TRPM3: variants seen among roughly 807,000 people sequenced by gnomAD.
TRPM3 encodes long transient receptor potential channel 3.
TRPM3 carries 77 observed loss-of-function variants against 181.2 expected under a neutral mutation model. The ratio of observed to expected loss-of-function variants is 0.42; its 90% CI spans 0.35 to 0.51. The LOEUF (loss-of-function observed/expected upper bound fraction) is 0.51, where lower values mean the gene tolerates loss of function less well. Among genes scored for constraint, TRPM3 ranks in the 20% least tolerant of loss-of-function variants. TRPM3 has a pLI of 0.01. For synonymous variants in TRPM3, 745 were observed against 796.4 expected, an observed-to-expected ratio of 0.94 and a Z score of 1.09; for missense variants, 1,759 against 2,196.7, an observed-to-expected ratio of 0.80 and a Z score of 3.98.
chr9:70,778,571 T>C (rs1564241493), intron 7 of TRPM3, among the ~76,000 whole-genome samples: 1 of 152,144 alleles, frequency 6.6e-6, no homozygotes, highest in African/African-American at 2.4e-5. Context: ...TAAAAAAGAA[T>C]CAAGTTTTGA....
intron 1 of TRPM3, among the ~76,000 whole-genome samples, chr9:71,136,207 G>A (rs968564578): frequency 5.9e-5 from 9 of 152,194 alleles, no homozygotes; most frequent in African/African-American, 2.2e-4. Flanking sequence ...ATCCAACTGG[G>A]TATTCAACCT....
intron 6 of TRPM3, among the ~76,000 whole-genome samples, chr9:70,787,989 C>A (rs2130931146): frequency 6.8e-6 from 1 of 146,616 alleles, no homozygotes; most frequent in South Asian, 2.2e-4. Context: ...CCAGCTACTA[C>A]TCTCTCACTA....
chr9:70,543,752 A>G (rs1440608429), intron 25 of TRPM3, among the ~76,000 whole-genome samples: 1 of 152,212 alleles, frequency 6.6e-6, no homozygotes, highest in Non-Finnish European at 1.5e-5. Context: ...AAATCCTTGC[A>G]TTTGCTTAAA....
intron 1 of TRPM3, among the ~76,000 whole-genome samples, chr9:71,245,428 A>G (rs1191177081): frequency 7.3e-6 from 1 of 137,006 alleles, no homozygotes; most frequent in Non-Finnish European, 1.6e-5. Context: ...TGGGTGAGAG[A>G]GCGAGACTCC....
intron 1 of TRPM3, among the ~76,000 whole-genome samples, chr9:71,053,412 G>T (rs2060288109): frequency 6.6e-6 from 1 of 152,022 alleles, no homozygotes; most frequent in Non-Finnish European, 1.5e-5. Context: ...AAATGAAAAG[G>T]TATATTATTA....
At chr9:71,205,347 C>CA (rs1425276375) in intron 1 of TRPM3, among the ~76,000 whole-genome samples, 3 of 152,108 alleles carry the variant, frequency 2.0e-5, no homozygotes, top group African/African-American at 4.8e-5. Context: ...CAAAACTTTA[C>CA]AAAAAAGCTT....
At chr9:70,928,533 CA>C (rs2096743702) in intron 1 of TRPM3, among the ~76,000 whole-genome samples, 1 of 152,108 alleles carries the variant, frequency 6.6e-6, no homozygotes, top group Non-Finnish European at 1.5e-5. Context: ...CACACACACA[CA>C]AAATAGTTGA....
chr9:71,349,592 C>G (rs1447480695), intron 1 of TRPM3, among the ~76,000 whole-genome samples: 5 of 152,116 alleles, frequency 3.3e-5, no homozygotes, highest in South Asian at 4.2e-4. Context: ...TTGCCAAAAC[C>G]AAAACAAATC....
At chr9:71,250,365 T>C (rs1220643911) in intron 1 of TRPM3, among the ~76,000 whole-genome samples, 1 of 152,214 alleles carries the variant, frequency 6.6e-6, no homozygotes, top group African/African-American at 2.4e-5. Flanking sequence ...AATCATTTTA[T>C]TTATGAATTC....
At chr9:71,282,522 AGCACTACAAAGT>A (rs2084931060) in intron 1 of TRPM3, among the ~76,000 whole-genome samples, 1 of 152,230 alleles carries the variant, frequency 6.6e-6, no homozygotes, top group South Asian at 2.1e-4. Flanking sequence ...GGTATGCCAA[AGCACTACAAAGT>A]CTGTGCATAT....
At chr9:70,969,668 T>C (rs1348856814) in intron 1 of TRPM3, among the ~76,000 whole-genome samples, 2 of 150,790 alleles carry the variant, frequency 1.3e-5, no homozygotes, top group African/African-American at 4.9e-5. Flanking sequence ...AATTGTGTGA[T>C]TTAACCACTT....
At chr9:70,967,903 A>G (rs1165419437) in intron 1 of TRPM3, among the ~76,000 whole-genome samples, 1 of 152,124 alleles carries the variant, frequency 6.6e-6, no homozygotes, top group Non-Finnish European at 1.5e-5. Flanking sequence ...TGTGACCTCC[A>G]TAGAAACGAA....
At chr9:71,363,719 C>A (rs139953027) in intron 1 of TRPM3, among the ~76,000 whole-genome samples, 1 of 152,266 alleles carries the variant, frequency 6.6e-6, no homozygotes, top group Non-Finnish European at 1.5e-5. Flanking sequence ...GGAATTCTTC[C>A]TGACCCCTGG....
At chr9:70,664,641 GTTTTTTTTTT>G (rs71367210) in intron 9 of TRPM3, among the ~76,000 whole-genome samples, 1,208 of 100,330 alleles carry the variant, frequency 0.012, 42 homozygotes, top group African/African-American at 0.041. Context: ...TAGGAGAGTA[GTTTTTTTTTT>G]TTTTTTTTTT....
At chr9:71,268,438 G>A (rs1165873317) in intron 1 of TRPM3, among the ~76,000 whole-genome samples, 1 of 152,058 alleles carries the variant, frequency 6.6e-6, no homozygotes, top group Non-Finnish European at 1.5e-5. Context: ...CAGGGACTAT[G>A]AGTTGAATGA....
intron 6 of TRPM3, chr9:70,824,926 T>C (rs1044943542): frequency 1.3e-5 from 2 of 152,178 alleles, no homozygotes; most frequent in African/African-American, 2.4e-5. Context: ...TCAGTGAGCA[T>C]TTTTTGCTGT....
chr9:70,610,471 T>C (rs1014395257), intron 19 of TRPM3, 138 bp downstream of exon 19: 2 of 1,099,878 alleles, frequency 1.8e-6, no homozygotes, highest in Admixed American at 2.5e-5. Context: ...GCAGAGCTAT[T>C]GAAAAAGCAA....
intron 1 of TRPM3, among the ~76,000 whole-genome samples, chr9:70,900,896 G>C (rs1348869943): frequency 6.6e-6 from 1 of 152,234 alleles, no homozygotes; most frequent in Non-Finnish European, 1.5e-5. Flanking sequence ...TTCTGGATCA[G>C]AGACACTATG....
chr9:70,608,613 A>T (rs2061558685), intron 19 of TRPM3, among the ~76,000 whole-genome samples: 1 of 152,200 alleles, frequency 6.6e-6, no homozygotes, highest in Non-Finnish European at 1.5e-5. Flanking sequence ...AGGCAGGCCC[A>T]TAGCTTGAGG....
Sources: allele counts gnomAD v4.1 joint callset (sites outside exome capture counted in the v4.1 genomes callset), GRCh38; gene constraint gnomAD v4.1.1; transcripts MANE v1.5; gene names NCBI Gene and HGNC (gene_info 2026-07-23, HGNC 2026-07-21).